Variants in SLC43A2 observed in about 807,000 individuals in gnomAD.
SLC43A2 encodes large neutral amino acids transporter small subunit 4.
SLC43A2 carries 38 observed loss-of-function variants against 63.2 expected under a neutral mutation model. The observed-to-expected ratio is 0.60, with a 90% CI of 0.46 to 0.79. The LOEUF is 0.79. SLC43A2 is among the 30% of genes least tolerant of loss of function. The pLI is 0.00. For missense variants in SLC43A2, 644 were observed against 756.2 expected, an observed-to-expected ratio of 0.85 and a Z score of 1.74; for synonymous variants, 322 against 331.0, an observed-to-expected ratio of 0.97 and a Z score of 0.30.
chr17:1,586,928 T>TGGGCCCCCCCCCCCCCCGCCCCCCGG, intron 9 of SLC43A2: 1 of 1,232,916 alleles, frequency 8.1e-7, no homozygotes, highest in Non-Finnish European at 1.1e-6. Flanking sequence ...TCCCTGACAA[T>TGGGCCCCCCCCCCCCCCGCCCCCCGG]CCCCCCCACC....
chr17:1,582,813 AC>A (rs2076040329), intron 11 of SLC43A2, among the ~76,000 whole-genome samples: 1 of 152,186 alleles, frequency 6.6e-6, no homozygotes, highest in Non-Finnish European at 1.5e-5. Context: ...ACGGTGCCTC[AC>A]ACCTGTAAAA....
At position 1,614,902 on chromosome 17, in the gene SLC43A2, G is replaced by A. The variant is rs184830904; in HGVS notation, c.424+77C>T. The A allele has an allele frequency of 5.9e-3, 8,643 of 1,460,510 alleles. 37 individuals carry two copies. Among genetic ancestry groups the A allele is most frequent in the Non-Finnish European group, 7.1e-3 (7,424 of 1,048,512 alleles). The allele number at this position is 1,460,510 out of a possible 1,614,324, so 90.5% of individuals were successfully genotyped here. A position where few individuals can be genotyped will look rare whatever the true frequency, so the allele number is the denominator to read the frequency against. On this transcript the variant is annotated intron_variant, in intron 4 of 13. Transcript: ENST00000301335. ...GCAGCAGGCCCAGGACAGTGTCCAA[G>A]AGCAGGTGGGCCTGGGAGCAGCTCA...
chr17:1,578,443 C>A lies in SLC43A2; in HGVS notation c.1351-120G>T, dbSNP rs965524544. ...CAGTGTCAGCCTGGAGTTGGATCAA[C>A]CCCATCCTCCGGAGCCAATTGTGAA... On this transcript the variant is annotated intron_variant, in intron 11 of 13. Coordinates refer to ENST00000301335, the MANE Select transcript of SLC43A2 (RefSeq NM_152346.3). The surrounding 1 kb of genome is among the most constrained non-coding windows in gnomAD (Gnocchi z 6.5). 1 of 872,408 alleles carries A rather than the reference C, an allele frequency of 1.1e-6. No individual in the cohort carries two copies. Among genetic ancestry groups the A allele is most frequent in the Non-Finnish European group, 1.7e-6 (1 of 575,912 alleles). 54.0% of individuals were successfully genotyped at this position (872,408 alleles called of 1,614,324 possible).
At chr17:1,586,692 CA>C (rs756832094) in intron 9 of SLC43A2, among the ~76,000 whole-genome samples, 3 of 148,160 alleles carry the variant, frequency 2.0e-5, no homozygotes, top group East Asian at 2.0e-4. Flanking sequence ...GACTCCATCT[CA>C]AAAAAAAAAG....
At chr17:1,587,039 G>T (rs2151039096) in intron 9 of SLC43A2, 1 of 1,439,966 alleles carries the variant, frequency 6.9e-7, no homozygotes, top group African/African-American at 1.4e-5. Context: ...AGAGAGATGG[G>T]AGAGGAGGCA....
At chr17:1,616,192 C>G (rs888771938) in intron 3 of SLC43A2, among the ~76,000 whole-genome samples, 1 of 151,668 alleles carries the variant, frequency 6.6e-6, no homozygotes, top group Non-Finnish European at 1.5e-5. Context: ...TTTTTTTTCT[C>G]ATCAGATGGA....
chr17:1,605,165 G>A lies in SLC43A2; in HGVS notation c.501+8030C>T. 1 of 1,221,602 alleles carries A rather than the reference G, an allele frequency of 8.2e-7. No individual in the cohort carries two copies. The highest frequency in any genetic ancestry group is 1.8e-5 in the South Asian group (1 of 54,938). The allele number at this position is 1,221,602 out of a possible 1,614,324, so 75.7% of individuals were successfully genotyped here. A position where few individuals can be genotyped will look rare whatever the true frequency, so the allele number is the denominator to read the frequency against. On this transcript the variant is annotated intron_variant, in intron 5 of 13. Coordinates refer to ENST00000301335, the MANE Select transcript of SLC43A2 (RefSeq NM_152346.3). The surrounding 1 kb of genome is among the most constrained non-coding windows in gnomAD (Gnocchi z 4.9). ...CCTCTGCCTCCGTGCGGGTCAACCTGTCCTGCCAGCCCGGGCTGTTCACTC... is the reference window on the plus strand; with the variant it reads ...CCTCTGCCTCCGTGCGGGTCAACCTATCCTGCCAGCCCGGGCTGTTCACTC...
At chr17:1,603,506 C>T (rs753277703) in intron 5 of SLC43A2, among the ~76,000 whole-genome samples, 121 of 151,950 alleles carry the variant, frequency 8.0e-4, no homozygotes, top group Non-Finnish European at 1.2e-3. Flanking sequence ...ACCATGAGGC[C>T]GGGCGCGGTG....
At chr17:1,617,570 T>C (rs1164367323) in intron 2 of SLC43A2, among the ~76,000 whole-genome samples, 2 of 152,088 alleles carry the variant, frequency 1.3e-5, no homozygotes, top group Non-Finnish European at 2.9e-5. Context: ...TTTGTATTTT[T>C]AGTAAAGATG....
chr17:1,601,877 C>A (rs565278964), intron 5 of SLC43A2, among the ~76,000 whole-genome samples: 2 of 146,986 alleles, frequency 1.4e-5, no homozygotes. Flanking sequence ...AAGGTCCAAA[C>A]TGATGCAAAG....
chr17:1,620,631 C>T (rs372856583), intron 2 of SLC43A2, among the ~76,000 whole-genome samples: 30 of 152,176 alleles, frequency 2.0e-4, no homozygotes, highest in East Asian at 1.7e-3. Context: ...GCAACAGAGG[C>T]GCCTGGGGCC....
rs376885169 is a variant in SLC43A2, at chr17:1,581,202, C to CCACACACACACACACACACACA, written c.1350+2001_1350+2002insTGTGTGTGTGTGTGTGTGTGTG. On this transcript the variant is annotated intron_variant, in intron 11 of 13. Coordinates refer to ENST00000301335, the MANE Select transcript of SLC43A2 (RefSeq NM_152346.3). ...GTTGAAAGAGGGCTGTGCCCAGTGC[C>CCACACACACACACACACACACA]CACACACACACACACACACGCACGC... Among the ~76,000 whole-genome samples the CCACACACACACACACACACACA allele has an allele frequency of 7.0e-3, 1,033 of 148,444 alleles. 18 individuals are homozygous for CCACACACACACACACACACACA. The highest frequency in any genetic ancestry group is 0.024 in the African/African-American group (971 of 40,250).
In SLC43A2 at chr17:1,576,606, G is replaced by T; in HGVS notation, c.1539C>A (p.Asp513Glu). The change falls in exon 13 of 14, where the codon GAC becomes GAA. Residue 513 changes from aspartate (D) to glutamate (E), a missense_variant. Transcript: ENST00000301335. ...CCCCGACCCCTCTTACCCACAGAGG[G>T]TCTCCCTGGAGAGGACCCATCATGG... ...FLAMMGPLQG[D>E]PLWVNVGLLL... 1.2e-6 allele frequency: 2 copies of T among 1,606,560 alleles called. No homozygotes were observed. The highest frequency in any genetic ancestry group is 2.2e-5 in the East Asian group (1 of 44,820).
Position 1,577,349 on chromosome 17 carries a change from C to T in SLC43A2, c.1425-629G>A, listed in dbSNP as rs1321097577. Among the ~76,000 whole-genome samples, 1 of 152,208 alleles carries T rather than the reference C, an allele frequency of 6.6e-6. No homozygotes were observed. The highest frequency in any genetic ancestry group is 1.9e-4 in the East Asian group (1 of 5,192). ...CCCAGAGAGGAGTGTGGAGGCTGGG[C>T]TTGGCTCTGCAGTGCCCTCGTCCAG... On this transcript the variant is annotated intron_variant, in intron 12 of 13. Transcript: ENST00000301335. The surrounding 1 kb of genome is among the most constrained non-coding windows in gnomAD (Gnocchi z 4.9).
At position 1,593,988 on chromosome 17, in the gene SLC43A2, G is replaced by A. The variant is rs951584319; in HGVS notation, c.502-709C>T. Among the ~76,000 whole-genome samples the A allele has an allele frequency of 2.0e-5, 3 of 152,130 alleles. No homozygotes were observed. The highest frequency in any genetic ancestry group is 2.4e-5 in the African/African-American group (1 of 41,506). On this transcript the variant is annotated intron_variant, in intron 5 of 13. Coordinates refer to ENST00000301335, the MANE Select transcript of SLC43A2 (RefSeq NM_152346.3). This position sits in a 1 kb window ranked among gnomAD's most constrained non-coding sequence, Gnocchi z 5.3. ...CCAAGTCGCGAGATTAGAGATGCCC[G>A]CCACCATGCCTGGCTAATTTTTGTA... is the stretch of plus-strand genomic sequence containing the variant.
intron 5 of SLC43A2, among the ~76,000 whole-genome samples, chr17:1,609,219 T>C (rs1194271088): frequency 2.0e-5 from 3 of 152,146 alleles, no homozygotes; most frequent in Non-Finnish European, 4.4e-5. Context: ...AGGCTTTTTT[T>C]TGAGACAGAA....
chr17:1,616,749 C>CTGTGCCA lies in SLC43A2; in HGVS notation c.174_180dup (p.Val61TrpfsTer81), dbSNP rs775964799. On this transcript the variant is annotated frameshift_variant, in exon 3 of 14. Transcript: ENST00000301335. LOFTEE classifies it high-confidence loss of function. Reference sequence around the variant, plus strand: ...TGCCCCGGCTCTGCTGTGCCGCCCACTGTGCCATTGGTGACATTCTCTGTG... The same window carrying CTGTGCCA: ...TGCCCCGGCTCTGCTGTGCCGCCCACTGTGCCATGTGCCATTGGTGACATTCTCTGTG... 1 of 1,614,026 alleles carries CTGTGCCA rather than the reference C, an allele frequency of 6.2e-7. No homozygotes were observed. The highest frequency in any genetic ancestry group is 1.7e-5 in the Admixed American group (1 of 60,024).
rs570491930 is a variant in SLC43A2 at position 1,606,590 on chromosome 17, G to C, written c.501+6605C>G. ...CCCATCTCTAAGCAACCCAGGCTCC[G>C]GGTTGGAGGGTGGCGACCCCAAGAT... On this transcript the variant is annotated intron_variant, in intron 5 of 13. Coordinates refer to ENST00000301335, the MANE Select transcript of SLC43A2 (RefSeq NM_152346.3). This position sits in a 1 kb window ranked among gnomAD's most constrained non-coding sequence, Gnocchi z 4.7. 6.6e-6 allele frequency among the ~76,000 whole-genome samples: 1 copy of C among 152,330 alleles called. No individual in the cohort carries two copies. The highest frequency in any genetic ancestry group is 1.5e-5 in the Non-Finnish European group (1 of 68,024).
intron 5 of SLC43A2, chr17:1,604,951 T>C: frequency 6.7e-7 from 1 of 1,499,722 alleles, no homozygotes; most frequent in South Asian, 1.3e-5. Flanking sequence ...GAGTGAGGGC[T>C]GAGCGCTGAG....
Sources: gnomAD v4.1 joint callset for allele counts (sites outside exome capture counted in the v4.1 genomes callset) on GRCh38, gnomAD v4.1.1 for gene constraint, Gnocchi (gnomAD v3.1) non-coding constraint, MANE v1.5 for transcripts, NCBI Gene and HGNC (gene_info 2026-07-23, HGNC 2026-07-21) for gene names.